Variants in ANKRD11 observed in about 807,000 individuals in gnomAD.
The protein encoded by ANKRD11 is ankyrin repeat domain 11.
ANKRD11 carries 17 observed loss-of-function variants against 195.7 expected under a neutral mutation model. That is an observed-to-expected ratio of 0.09 (90% CI 0.06 to 0.13). ANKRD11 has a LOEUF of 0.13. ANKRD11 is among the 10% of genes least tolerant of loss of function. The pLI is 1.00. For synonymous variants in ANKRD11, 1,953 were observed against 1,528.1 expected (o/e 1.28, Z -6.49); for missense variants, 3,735 against 3,566.1 (o/e 1.05, Z -1.21).
intron 2 of ANKRD11, among the ~76,000 whole-genome samples, chr16:89,366,617 C>T (rs2039961697): frequency 6.6e-6 from 1 of 152,232 alleles, no homozygotes. Flanking sequence ...GTTGAAAAGG[C>T]TGCCATCTTG....
intron 3 of ANKRD11, among the ~76,000 whole-genome samples, chr16:89,309,336 C>G (rs2036481184): frequency 6.6e-6 from 1 of 152,314 alleles, no homozygotes; most frequent in South Asian, 2.1e-4. Flanking sequence ...CAGCCAAAAC[C>G]TACCAGTGGA....
At position 89,281,923 on chromosome 16, in the gene ANKRD11, T is replaced by C. The variant is rs145415643; in HGVS notation, c.4619A>G (p.Lys1540Arg). ...CATCTTCACTGGGTCGCCCTTTTCT[T>C]TCTCTGCACCGTCCTTGAATTTCTC... ...LKEKFKDGAEKEKGDPVKMSN... is the reference protein window; with the variant it reads ...LKEKFKDGAEREKGDPVKMSN... The change falls in exon 9 of 13, where the codon AAA becomes AGA. Residue 1540 changes from lysine (K) to arginine (R), a missense_variant. Transcript: ENST00000301030. This position sits in a 1 kb window ranked among gnomAD's most constrained non-coding sequence, Gnocchi z 5.5. The C allele has an allele frequency of 1.8e-4, 283 of 1,613,320 alleles. No homozygotes were observed. The African/African-American group carries it at 3.4e-3, about 19-fold the overall frequency.
At chr16:89,381,354 A>AAGGGG (rs1555560066) in intron 2 of ANKRD11, among the ~76,000 whole-genome samples, 12 of 125,336 alleles carry the variant, frequency 9.6e-5, no homozygotes, top group African/African-American at 3.6e-4. Context: ...AAAAAAAAAA[A>AAGGGG]GGGGTGAGAA....
intron 2 of ANKRD11, among the ~76,000 whole-genome samples, chr16:89,400,895 C>A (rs2041654105): frequency 6.6e-6 from 1 of 152,136 alleles, no homozygotes; most frequent in Non-Finnish European, 1.5e-5. Context: ...CGCCTGTCGC[C>A]CTCCACCCTC....
At chr16:89,351,165 G>C (rs1348634160) in intron 2 of ANKRD11, among the ~76,000 whole-genome samples, 2 of 152,260 alleles carry the variant, frequency 1.3e-5, no homozygotes, top group Non-Finnish European at 2.9e-5. Context: ...CTCGTCAAGA[G>C]CACTGTTGTG....
At position 89,281,709 on chromosome 16, in the gene ANKRD11, C is replaced by T. The variant is rs1411662176; in HGVS notation, c.4833G>A (p.Leu1611=). The T allele has an allele frequency of 6.2e-7, 1 of 1,614,160 alleles. No homozygotes were observed. The highest frequency in any genetic ancestry group is 1.3e-5 in the African/African-American group (1 of 75,032). ...GCTTGGGGTCTCCGGACCGGTGCCT[C>T]AGCTTCTCCATTTGCTTCATCCTCT... The part of the protein sequence containing the change: ...HKERMKQMEK[L]RHRSGDPKLK... Residue 1611 remains leucine (L), a synonymous_variant, in exon 9 of 13, where the codon CTG becomes CTA. Transcript: ENST00000301030. This position sits in a 1 kb window ranked among gnomAD's most constrained non-coding sequence, Gnocchi z 5.5.
chr16:89,451,662 A>ACC lies in ANKRD11; in HGVS notation c.-144-33295_-144-33294insGG, dbSNP rs1463750770. On this transcript the variant is annotated intron_variant, in intron 1 of 12. Coordinates refer to ENST00000301030, the MANE Select transcript of ANKRD11 (RefSeq NM_013275.6). ...AAACTCCTGACCTCAGGTGATCTGCAAGCCTCGGCCTCCCAAAGTGCTGGG... is the reference window on the plus strand; with the variant it reads ...AAACTCCTGACCTCAGGTGATCTGCACCAGCCTCGGCCTCCCAAAGTGCTGGG... 3.7e-4 allele frequency among the ~76,000 whole-genome samples: 57 copies of ACC among 152,106 alleles called. 1 individual carries two copies. The South Asian group carries it at 5.8e-3, about 16-fold the overall frequency.
intron 2 of ANKRD11, among the ~76,000 whole-genome samples, chr16:89,387,953 C>G (rs1312979992): frequency 6.7e-6 from 1 of 148,376 alleles, no homozygotes; most frequent in Non-Finnish European, 1.5e-5. Context: ...GCAGAGGCTG[C>G]AGTGAGCCGA....
rs117646290 is a variant in ANKRD11, at chr16:89,384,566, A to G, written c.-60+33718T>C. On this transcript the variant is annotated intron_variant, in intron 2 of 12. Transcript: ENST00000301030. ...GGATGGGATGGGATGGGAATGGGAC[A>G]GGATGGGACGGGACGGGATGGGGCA... 8.6e-3 allele frequency among the ~76,000 whole-genome samples: 1,256 copies of G among 145,990 alleles called. 7 individuals are homozygous for G. Among genetic ancestry groups the G allele is most frequent in the Non-Finnish European group, 0.014 (941 of 65,960 alleles).
chr16:89,345,256 C>T (rs764313495), intron 2 of ANKRD11, among the ~76,000 whole-genome samples: 15 of 142,356 alleles, frequency 1.1e-4, no homozygotes, highest in Non-Finnish European at 1.5e-4. Context: ...CCCCCCCTCC[C>T]CACCCCCCGG....
At chr16:89,308,126 T>C (rs574470200) in intron 3 of ANKRD11, among the ~76,000 whole-genome samples, 1 of 152,306 alleles carries the variant, frequency 6.6e-6, no homozygotes, top group South Asian at 2.1e-4. Flanking sequence ...CAGAACCTGA[T>C]GAGGGCATTC....
rs75683045 is a variant in ANKRD11 at position 89,472,276 on chromosome 16, T to C, written c.-145+17969A>G. 1.5e-3 allele frequency among the ~76,000 whole-genome samples: 227 copies of C among 152,244 alleles called. 1 individual carries two copies. The highest frequency in any genetic ancestry group is 5.4e-3 in the African/African-American group (225 of 41,546). ...GACTTTGCATCTTCATGTTCCAACC[T>C]GAGTATCACCTGTGCTTTTGTGTTT... On this transcript the variant is annotated intron_variant, in intron 1 of 12. Coordinates refer to ENST00000301030, the MANE Select transcript of ANKRD11 (RefSeq NM_013275.6).
intron 1 of ANKRD11, among the ~76,000 whole-genome samples, chr16:89,424,416 G>T (rs1369888413): frequency 6.6e-6 from 1 of 150,394 alleles, no homozygotes; most frequent in African/African-American, 2.5e-5. Context: ...ACTCCAGGCT[G>T]GGTGACAAGA....
At chr16:89,408,275 AG>A (rs1237649192) in intron 2 of ANKRD11, among the ~76,000 whole-genome samples, 1 of 152,260 alleles carries the variant, frequency 6.6e-6, no homozygotes, top group African/African-American at 2.4e-5. Context: ...GAGAAGTGGC[AG>A]CCCTTCCACA....
At chr16:89,467,756 T>C (rs771887403) in intron 1 of ANKRD11, among the ~76,000 whole-genome samples, 4 of 152,296 alleles carry the variant, frequency 2.6e-5, no homozygotes, top group East Asian at 3.9e-4. Flanking sequence ...CATATGTTTT[T>C]AAAAATCAGA....
chr16:89,342,317 T>C (rs2038729187), intron 2 of ANKRD11, among the ~76,000 whole-genome samples: 1 of 152,258 alleles, frequency 6.6e-6, no homozygotes, highest in Non-Finnish European at 1.5e-5. Context: ...CAGAACCAGC[T>C]TCTATCTTTG....
chr16:89,324,261 G>T, intron 2 of ANKRD11: 1 of 1,231,418 alleles, frequency 8.1e-7, no homozygotes, highest in Non-Finnish European at 1.0e-6. Context: ...CTGGGCTGTG[G>T]AACATACAGG....
rs1401604129 is a variant in ANKRD11 at position 89,281,491 on chromosome 16, T to A, written c.5051A>T (p.His1684Leu). The change falls in exon 9 of 13, where the codon CAC becomes CTC. Residue 1684 changes from histidine (H) to leucine (L), a missense_variant. By Grantham distance (99) the His-to-Leu change is moderately conservative. Transcript: ENST00000301030. This position sits in a 1 kb window ranked among gnomAD's most constrained non-coding sequence, Gnocchi z 5.5. ...GGACGCAGGCAGGACCTCTTTCATG[T>A]GAGGGCCTGCCAGCCAGTCTTTGGA... The part of the protein sequence containing the change: ...ADSKDWLAGP[H>L]MKEVLPASPR... 1 of 1,614,144 alleles carries A rather than the reference T, an allele frequency of 6.2e-7. No homozygotes were observed. Among genetic ancestry groups the A allele is most frequent in the Non-Finnish European group, 8.5e-7 (1 of 1,180,006 alleles).
At position 89,284,843 on chromosome 16, in the gene ANKRD11, C is replaced by G. The variant is rs1205218821; in HGVS notation, c.1699G>C (p.Asp567His). ...PAWSEVSSLS[D>H]STRTRLTSES... ...CTTGTCAGTCTCGTCCTTGTGGAGT[C>G]TGATAAAGAACTGACCTCTGACCAA... The change falls in exon 9 of 13, where the codon GAC (aspartate) becomes CAC (histidine). Residue 567 changes from aspartate (D) to histidine (H), a missense_variant. By Grantham distance (81) the Asp-to-His change is moderately conservative. Transcript: ENST00000301030. 6.2e-7 allele frequency: 1 copy of G among 1,613,872 alleles called. No individual in the cohort carries two copies.
Sources: allele counts gnomAD v4.1 joint callset (sites outside exome capture counted in the v4.1 genomes callset), GRCh38; gene constraint gnomAD v4.1.1; non-coding constraint Gnocchi (gnomAD v3.1); transcripts MANE v1.5; gene names NCBI Gene and HGNC (gene_info 2026-07-23, HGNC 2026-07-21).